Variants in AKAP17A observed in about 807,000 individuals in gnomAD.
AKAP17A encodes A-kinase anchor protein 17A.
Under a neutral mutation model 52.2 loss-of-function variants are expected in AKAP17A, and 15 were observed. That is an observed-to-expected ratio of 0.29 (90% CI 0.19 to 0.44). The LOEUF (loss-of-function observed/expected upper bound fraction) is 0.44. AKAP17A is among the 20% of genes least tolerant of loss of function. The pLI is 1.00. For missense variants in AKAP17A, 1,060 were observed against 1,007.0 expected, an observed-to-expected ratio of 1.05 and a Z score of -0.71; for synonymous variants, 514 against 424.7, an observed-to-expected ratio of 1.21 and a Z score of -2.58.
intron 2 of AKAP17A, 119 bp from the exon 3 acceptor site, chrX:1,595,265 C>T (rs1338416278): frequency 7.6e-6 from 10 of 1,316,436 alleles, no homozygotes; most frequent in African/African-American, 5.9e-5. Flanking sequence ...GAGCGGTGAG[C>T]GGTGAGCGGG....
chrX:1,592,751 C>G (rs1189028406), intron 1 of AKAP17A, among the ~76,000 whole-genome samples: 2 of 152,100 alleles, frequency 1.3e-5, no homozygotes, highest in Non-Finnish European at 2.9e-5. Flanking sequence ...AGTGGCTGCC[C>G]GTCAGCTCAG....
Position 1,602,192 on chromosome X carries a change from G to T in AKAP17A, c.*598G>T, listed in dbSNP as rs1423649427. On this transcript the variant is annotated 3_prime_UTR_variant, in exon 5 of 5. Transcript: ENST00000313871. Reference sequence around the variant, plus strand: ...TCTTTCTAAGGTGTCGGTATGTGGGGAGTGGTACAAAATGGTCTGATGCTC... The same window carrying T: ...TCTTTCTAAGGTGTCGGTATGTGGGTAGTGGTACAAAATGGTCTGATGCTC... The T allele has an allele frequency of 6.6e-6, 1 of 152,460 alleles. No homozygotes were observed. The highest frequency in any genetic ancestry group is 2.4e-5 in the African/African-American group (1 of 41,456). The allele number at this position is 152,460 out of a possible 1,614,324, so 9.4% of individuals were successfully genotyped here. A position where few individuals can be genotyped will look rare whatever the true frequency, so the allele number is the denominator to read the frequency against.
Position 1,601,603 on chromosome X carries a change from A to ACG in AKAP17A, c.*10_*11dup, listed in dbSNP as rs749609794. 30 of 1,417,248 alleles carry ACG rather than the reference A, an allele frequency of 2.1e-5. No individual in the cohort carries two copies. In the African/African-American group the frequency reaches 4.5e-4, roughly 21 times the overall value. The allele number at this position is 1,417,248 out of a possible 1,614,324, so 87.8% of individuals were successfully genotyped here. ...GTACCTGGAACAGGTAATGACGGGC[A>ACG]CGGCCTCCCCACGGCCTGTCCGGGA... On this transcript the variant is annotated 3_prime_UTR_variant, in exon 5 of 5. Coordinates refer to ENST00000313871, the MANE Select transcript of AKAP17A (RefSeq NM_005088.3).
At chrX:1,592,779 A>G (rs1403382812) in intron 1 of AKAP17A, among the ~76,000 whole-genome samples, 1 of 151,992 alleles carries the variant, frequency 6.6e-6, no homozygotes, top group African/African-American at 2.4e-5. Context: ...GAGGTGGGTT[A>G]ATGAAGGTGG....
At chrX:1,596,068 GGACCGC>G (rs1429481334) in intron 3 of AKAP17A, among the ~76,000 whole-genome samples, 1 of 151,994 alleles carries the variant, frequency 6.6e-6, no homozygotes, top group African/African-American at 2.4e-5. Flanking sequence ...CCGGCTCCCA[GGACCGC>G]GCCTTGCCCG....
At position 1,599,437 on chromosome X, in the gene AKAP17A, C is replaced by T. The variant is rs1372704811; in HGVS notation, c.1152+5C>T. 5 of 1,558,114 alleles carry T rather than the reference C, an allele frequency of 3.2e-6. No individual in the cohort carries two copies. The highest frequency in any genetic ancestry group is 1.4e-5 in the African/African-American group (1 of 73,390). On this transcript the variant is annotated splice_donor_5th_base_variant and intron_variant, in intron 4 of 4. Transcript: ENST00000313871. ...GAGCTGCTCAGCAGAGCCAAGGTAC[C>T]CGGGGGCTCCCTCTGCAGCCGCCAG... is the stretch of plus-strand genomic sequence containing the variant.
At chrX:1,597,956 C>G (rs1377053347) in intron 3 of AKAP17A, among the ~76,000 whole-genome samples, 2 of 152,142 alleles carry the variant, frequency 1.3e-5, no homozygotes, top group African/African-American at 2.4e-5. Context: ...CCCCGCTGTC[C>G]CCCACTGTCC....
intron 1 of AKAP17A, 90 bp from the exon 2 acceptor site, chrX:1,593,354 G>C: frequency 7.6e-7 from 1 of 1,308,490 alleles, no homozygotes; most frequent in Non-Finnish European, 1.1e-6. Context: ...CTCTTCTCCG[G>C]GTCCAGAAAG....
intron 4 of AKAP17A, chrX:1,600,112 C>T: frequency 2.3e-6 from 3 of 1,294,350 alleles, no homozygotes; most frequent in Non-Finnish European, 3.0e-6. Context: ...CGCGGGGCGA[C>T]CCCATAACCT....
chrX:1,598,905 G>C (rs1264565141), intron 3 of AKAP17A, among the ~76,000 whole-genome samples: 1 of 152,196 alleles, frequency 6.6e-6, no homozygotes, highest in Non-Finnish European at 1.5e-5. Context: ...CTGACTGGGG[G>C]CGTGGCTTTT....
chrX:1,601,404 GC>G lies in AKAP17A; in HGVS notation c.1903del (p.Arg635AlafsTer117). The G allele has an allele frequency of 1.3e-6, 2 of 1,560,966 alleles. No homozygotes were observed. The highest frequency in any genetic ancestry group is 2.3e-5 in the East Asian group (1 of 44,156). Reference protein sequence around the residue: ...PHKKHAYKDDSPRRRSTSPDH... With the variant: ...PHKKHAYKDDXPRRRSTSPDH... ...AAGAAGCACGCCTACAAGGATGACA[GC>G]CCCCGCCGGCGCAGCACGAGCCCGG... On this transcript the variant is annotated frameshift_variant, in exon 5 of 5. Coordinates refer to ENST00000313871, the MANE Select transcript of AKAP17A (RefSeq NM_005088.3). LOFTEE classifies it high-confidence loss of function.
chrX:1,599,729 T>C, intron 4 of AKAP17A: 1 of 621,576 alleles, frequency 1.6e-6, no homozygotes, highest in Middle Eastern at 4.3e-4. Flanking sequence ...TTCCTTTGGG[T>C]CGGGGCAGTG....
intron 2 of AKAP17A, among the ~76,000 whole-genome samples, chrX:1,595,095 C>T (rs1290453715): frequency 2.6e-5 from 4 of 152,190 alleles, no homozygotes; most frequent in African/African-American, 4.8e-5. Flanking sequence ...GCAGCGGTGG[C>T]GTGTCACTTG....
rs1288404405 is a variant in AKAP17A, at chrX:1,599,372, G to C, written c.1092G>C (p.Leu364=). The C allele has an allele frequency of 3.8e-6, 6 of 1,585,468 alleles. No homozygotes were observed. In the East Asian group the frequency reaches 9.2e-5, roughly 24 times the overall value. Residue 364 remains leucine, a synonymous_variant, in exon 4 of 5, where the codon CTG becomes CTC. Transcript: ENST00000313871. ...TCAAGCTGGAGGAGCGCAAGCTGCT[G>C]CTGGCCCAGAGGAACCTGCAGTCCA... is the stretch of plus-strand genomic sequence containing the variant. ...EKIKLEERKL[L]LAQRNLQSIR... is the part of the protein sequence containing the mutation.
chrX:1,599,458 G>A lies in AKAP17A; in HGVS notation c.1152+26G>A, dbSNP rs752761984. ...GTACCCGGGGGCTCCCTCTGCAGCC[G>A]CCAGCCGCGCCCGGGCTGCCCTCAG... On this transcript the variant is annotated intron_variant, in intron 4 of 4. Coordinates refer to ENST00000313871, the MANE Select transcript of AKAP17A (RefSeq NM_005088.3). 1,064 of 1,552,990 alleles carry A rather than the reference G, an allele frequency of 6.9e-4. 2 individuals are homozygous for A. The highest frequency in any genetic ancestry group is 2.0e-3 in the Admixed American group (104 of 51,174).
Position 1,600,787 on chromosome X carries a change from G to T in AKAP17A, c.1281G>T (p.Leu427=). The T allele has an allele frequency of 1.3e-6, 2 of 1,583,340 alleles. No homozygotes were observed. The highest frequency in any genetic ancestry group is 1.7e-6 in the Non-Finnish European group (2 of 1,169,530). Residue 427 remains leucine, a synonymous_variant, in exon 5 of 5, where the codon CTG becomes CTT. Transcript: ENST00000313871. Reference sequence around the variant, plus strand: ...AGGAGAAGGAGCGCGCGCTGGGCCTGCAGCGGAAAGAGCGGGAGCTGCGCG... The same window carrying T: ...AGGAGAAGGAGCGCGCGCTGGGCCTTCAGCGGAAAGAGCGGGAGCTGCGCG... ...VEEEKERALG[L]QRKERELRER...
chrX:1,599,504 G>C, intron 4 of AKAP17A, 72 bp downstream of exon 4: 1 of 1,548,160 alleles, frequency 6.5e-7, no homozygotes, highest in South Asian at 1.2e-5. Flanking sequence ...TGAAATGCGG[G>C]CGGCGTCACG....
chrX:1,597,126 G>A (rs1933040926), intron 3 of AKAP17A, among the ~76,000 whole-genome samples: 1 of 152,224 alleles, frequency 6.6e-6, no homozygotes, highest in South Asian at 2.1e-4. Flanking sequence ...ATGTGACGCT[G>A]GTGCCAGCGT....
chrX:1,591,924 G>C (rs1932844081), intron 1 of AKAP17A, among the ~76,000 whole-genome samples, 155 bp downstream of exon 1: 1 of 147,302 alleles, frequency 6.8e-6, no homozygotes, highest in Admixed American at 6.7e-5. Context: ...CCACCGGGGG[G>C]CTGGGAGCGC....
Sources: gnomAD v4.1 joint callset for allele counts (sites outside exome capture counted in the v4.1 genomes callset) on GRCh38, gnomAD v4.1.1 for gene constraint, MANE v1.5 for transcripts, NCBI Gene and HGNC (gene_info 2026-07-23, HGNC 2026-07-21) for gene names.